RERG: variants seen among roughly 807,000 people sequenced by gnomAD.
RERG encodes the protein ras-related and estrogen-regulated growth inhibitor.
Under a neutral mutation model 23.2 loss-of-function variants are expected in RERG, and 25 were observed. The observed-to-expected ratio is 1.08, with a 90% CI of 0.79 to 1.50. The LOEUF (loss-of-function observed/expected upper bound fraction) is 1.50, where lower values mean the gene tolerates loss of function less well. Among genes scored for constraint, RERG ranks in the 40% most tolerant of loss-of-function variants. RERG has a pLI of 0.00. For synonymous variants in RERG, 81 were observed against 89.1 expected, an observed-to-expected ratio of 0.91 and a Z score of 0.51; for missense variants, 253 against 250.1, an observed-to-expected ratio of 1.01 and a Z score of -0.08.
At chr12:15,114,940 G>A (rs1389162662) in intron 3 of RERG, among the ~76,000 whole-genome samples, 1 of 152,166 alleles carries the variant, frequency 6.6e-6, no homozygotes, top group African/African-American at 2.4e-5. Flanking sequence ...CCCCAGTGAT[G>A]TTAGCAGTAG....
At chr12:15,131,030 C>G (rs1017889653) in intron 2 of RERG, among the ~76,000 whole-genome samples, 3 of 151,826 alleles carry the variant, frequency 2.0e-5, no homozygotes, top group African/African-American at 7.3e-5. Context: ...CTTTTAATTC[C>G]TAACATGTTT....
At position 15,121,578 on chromosome 12, in the gene RERG, T is replaced by C. The variant is rs372779462; in HGVS notation, c.62-459A>G. 1.8e-3 allele frequency among the ~76,000 whole-genome samples: 274 copies of C among 152,318 alleles called. 10 individuals carry two copies. In the South Asian group the frequency reaches 0.055, roughly 31 times the overall value. ...GCAGGTCATTTGCATTTTAAAAAAG[T>C]AGATATTCAAAATTAAGGATTTTTA... On this transcript the variant is annotated intron_variant, in intron 2 of 4. Coordinates refer to ENST00000256953, the MANE Select transcript of RERG (RefSeq NM_032918.3).
chr12:15,183,080 G>A lies in RERG; in HGVS notation c.61+34349C>T, dbSNP rs563699570. Among the ~76,000 whole-genome samples the A allele has an allele frequency of 5.3e-5, 8 of 151,920 alleles. No homozygotes were observed. The South Asian group carries it at 1.5e-3, about 28-fold the overall frequency. ...TGGGCAACAGAGAGAGACCCTGGCC[G>A]AAAAACAAAAACAAAAACAGAAAAG... On this transcript the variant is annotated intron_variant, in intron 2 of 4. Coordinates refer to ENST00000256953, the MANE Select transcript of RERG (RefSeq NM_032918.3).
chr12:15,152,139 G>A (rs1205831679), intron 2 of RERG: 2 of 152,200 alleles, frequency 1.3e-5, no homozygotes, highest in African/African-American at 2.4e-5. Flanking sequence ...GCCCACAGAT[G>A]TTTTGGAAAG....
intron 2 of RERG, among the ~76,000 whole-genome samples, chr12:15,195,769 T>C (rs1038872919): frequency 5.3e-5 from 8 of 152,012 alleles, no homozygotes; most frequent in African/African-American, 1.9e-4. Flanking sequence ...CTAATAATAA[T>C]TACATTGCTA....
chr12:15,117,109 T>C (rs1428202834), intron 3 of RERG, among the ~76,000 whole-genome samples: 1 of 151,190 alleles, frequency 6.6e-6, no homozygotes, highest in Non-Finnish European at 1.5e-5. Flanking sequence ...CTCAAAGGGA[T>C]ATTGCATGTG....
chr12:15,138,028 G>T, intron 2 of RERG: 1 of 314,646 alleles, frequency 3.2e-6, no homozygotes, highest in Non-Finnish European at 6.3e-6. Context: ...TAATTTTTCA[G>T]GGTATAGAAT....
chr12:15,218,822 T>C (rs1865478692), intron 1 of RERG, among the ~76,000 whole-genome samples: 1 of 152,092 alleles, frequency 6.6e-6, no homozygotes, highest in South Asian at 2.1e-4. Flanking sequence ...TATGTTTTTT[T>C]GACCTTCACT....
intron 2 of RERG, among the ~76,000 whole-genome samples, chr12:15,131,436 A>G (rs575703932): frequency 2.0e-5 from 3 of 152,288 alleles, no homozygotes; most frequent in African/African-American, 7.2e-5. Flanking sequence ...GTAAGGTATT[A>G]AGCATTTTGT....
chr12:15,203,443 T>C (rs1443371176), intron 2 of RERG, among the ~76,000 whole-genome samples: 1 of 151,668 alleles, frequency 6.6e-6, no homozygotes, highest in Non-Finnish European at 1.5e-5. Flanking sequence ...ATACTCCATA[T>C]GGCAAATCCA....
chr12:15,153,531 T>C (rs770830376), intron 2 of RERG, among the ~76,000 whole-genome samples: 72 of 152,176 alleles, frequency 4.7e-4, no homozygotes, highest in Non-Finnish European at 9.0e-4. Flanking sequence ...AAAAATACCA[T>C]TGAGATTTAT....
intron 2 of RERG, among the ~76,000 whole-genome samples, chr12:15,158,245 T>C (rs1303587109): frequency 6.6e-6 from 1 of 152,130 alleles, no homozygotes; most frequent in East Asian, 1.9e-4. Context: ...TATAACTCTT[T>C]ACACTCTTTT....
intron 2 of RERG, among the ~76,000 whole-genome samples, chr12:15,206,606 TGGAGGTGGGG>T (rs1865294744): frequency 6.6e-6 from 1 of 152,090 alleles, no homozygotes; most frequent in Non-Finnish European, 1.5e-5. Context: ...TCAGAACCTG[TGGAGGTGGGG>T]TCCTGAAACA....
intron 2 of RERG, among the ~76,000 whole-genome samples, chr12:15,148,241 G>A (rs1203597768): frequency 6.6e-6 from 1 of 152,160 alleles, no homozygotes; most frequent in Non-Finnish European, 1.5e-5. Flanking sequence ...CAAATTACAA[G>A]TGAACTATAA....
At chr12:15,172,343 T>C (rs376537593) in intron 2 of RERG, among the ~76,000 whole-genome samples, 2 of 152,200 alleles carry the variant, frequency 1.3e-5, no homozygotes, top group East Asian at 3.8e-4. Flanking sequence ...AATATTCCAT[T>C]ATATGAATAT....
intron 2 of RERG, among the ~76,000 whole-genome samples, chr12:15,203,553 C>A (rs999716322): frequency 6.6e-5 from 10 of 151,738 alleles, no homozygotes; most frequent in East Asian, 3.9e-4. Flanking sequence ...CAACACAGTA[C>A]TGGAAGTCCT....
At chr12:15,174,848 G>A (rs1006261510) in intron 2 of RERG, among the ~76,000 whole-genome samples, 7 of 151,902 alleles carry the variant, frequency 4.6e-5, no homozygotes, top group Non-Finnish European at 1.0e-4. Flanking sequence ...TCTATTTGGT[G>A]AGATATTGTT....
chr12:15,212,917 A>G (rs1865388478), intron 2 of RERG, among the ~76,000 whole-genome samples: 5 of 152,238 alleles, frequency 3.3e-5, no homozygotes, highest in Admixed American at 3.3e-4. Flanking sequence ...TGACAGAGAA[A>G]AAAGCAGACA....
At chr12:15,219,594 A>G (rs1348696807) in intron 1 of RERG, among the ~76,000 whole-genome samples, 1 of 152,214 alleles carries the variant, frequency 6.6e-6, no homozygotes, top group Non-Finnish European at 1.5e-5. Context: ...AAAAGGCCCT[A>G]TGTTTTTAAG....
Sources: gnomAD v4.1 joint callset for allele counts (sites outside exome capture counted in the v4.1 genomes callset) on GRCh38, gnomAD v4.1.1 for gene constraint, MANE v1.5 for transcripts, NCBI Gene and HGNC (gene_info 2026-07-23, HGNC 2026-07-21) for gene names.